Variants in ZMAT4 observed in about 807,000 individuals in gnomAD.
ZMAT4 encodes zinc finger matrin-type 4, also known as zinc finger matrin-type protein 4.
In ZMAT4, 17 loss-of-function variants were observed where a neutral mutation model predicts 28.7. The ratio of observed to expected loss-of-function variants is 0.59; its 90% CI spans 0.41 to 0.89. ZMAT4 has a LOEUF of 0.89. ZMAT4 is among the 40% of genes least tolerant of loss of function. The probability of loss-of-function intolerance (pLI) is 0.00; values close to 1 mark genes in which losing one functional copy is unlikely to be tolerated. For missense variants in ZMAT4, 240 were observed against 283.8 expected, an observed-to-expected ratio of 0.85 and a Z score of 1.11; for synonymous variants, 117 against 109.2, an observed-to-expected ratio of 1.07 and a Z score of -0.44.
intron 1 of ZMAT4, among the ~76,000 whole-genome samples, chr8:40,841,578 TGC>T: frequency 6.6e-6 from 1 of 152,304 alleles, no homozygotes. Context: ...CCCATAGGTG[TGC>T]ACGCCCGACA....
chr8:40,862,584 T>TAAAAAAAAAAAAAAAAAAAAAAAAAA (rs398007582), intron 1 of ZMAT4, among the ~76,000 whole-genome samples: 1 of 109,950 alleles, frequency 9.1e-6, no homozygotes. Flanking sequence ...AAAAAAAAAT[T>TAAAAAAAAAAAAAAAAAAAAAAAAAA]AAAAAAAAAA....
At chr8:40,676,394 C>T (rs951272009) in intron 4 of ZMAT4, among the ~76,000 whole-genome samples, 1 of 152,010 alleles carries the variant, frequency 6.6e-6, no homozygotes, top group African/African-American at 2.4e-5. Flanking sequence ...TCACATGGGC[C>T]ATTAGTCCTA....
chr8:40,670,395 C>G (rs1563400930), intron 5 of ZMAT4, among the ~76,000 whole-genome samples: 1 of 152,104 alleles, frequency 6.6e-6, no homozygotes, highest in Admixed American at 6.5e-5. Flanking sequence ...ATTTCAGATA[C>G]ATCATAATCC....
At chr8:40,834,505 T>G (rs1344291856) in intron 1 of ZMAT4, among the ~76,000 whole-genome samples, 1 of 152,156 alleles carries the variant, frequency 6.6e-6, no homozygotes, top group Non-Finnish European at 1.5e-5. Context: ...CAACATCACT[T>G]GGATTCTCTC....
intron 5 of ZMAT4, among the ~76,000 whole-genome samples, chr8:40,634,549 A>C (rs1404837893): frequency 1.3e-5 from 2 of 152,228 alleles, no homozygotes; most frequent in Admixed American, 1.3e-4. Flanking sequence ...TTTAAATGTA[A>C]GCCAAAGCAA....
intron 2 of ZMAT4, among the ~76,000 whole-genome samples, chr8:40,784,810 G>C (rs1476471162): frequency 1.3e-5 from 2 of 152,078 alleles, no homozygotes; most frequent in African/African-American, 4.8e-5. Context: ...CCTTGCCTAA[G>C]GTCAAATCCA....
chr8:40,806,949 G>T (rs967246476), intron 2 of ZMAT4, among the ~76,000 whole-genome samples: 11 of 151,856 alleles, frequency 7.2e-5, no homozygotes, highest in African/African-American at 2.7e-4. Flanking sequence ...CTCAGAAATA[G>T]CTGCAAGTCA....
intron 2 of ZMAT4, among the ~76,000 whole-genome samples, chr8:40,824,374 G>A (rs68120123): frequency 0.079 from 11,984 of 152,290 alleles, 627 homozygotes; most frequent in Non-Finnish European, 0.12. Context: ...GAGCCCAGGA[G>A]GTGGAGGCTG....
chr8:40,820,689 CTA>C (rs1413051769), intron 2 of ZMAT4, among the ~76,000 whole-genome samples: 1 of 3,034 alleles, frequency 3.3e-4, no homozygotes, highest in Non-Finnish European at 7.3e-4. Context: ...GTGTGTGTGT[CTA>C]TGTATATGTT....
At chr8:40,539,124 G>A (rs931438046) in intron 6 of ZMAT4, among the ~76,000 whole-genome samples, 2 of 152,120 alleles carry the variant, frequency 1.3e-5, no homozygotes, top group African/African-American at 4.8e-5. Context: ...TATTGTTTCA[G>A]TAGCCATGTC....
At chr8:40,605,203 A>G (rs750436613) in intron 5 of ZMAT4, among the ~76,000 whole-genome samples, 58 of 151,624 alleles carry the variant, frequency 3.8e-4, no homozygotes, top group Non-Finnish European at 6.0e-4. Flanking sequence ...GACCTTTGTT[A>G]TTTCTTTTCT....
chr8:40,697,223 C>G, intron 4 of ZMAT4, 22 bp downstream of exon 4: 1 of 1,571,870 alleles, frequency 6.4e-7, no homozygotes, highest in Non-Finnish European at 8.6e-7. Context: ...GGTCTCCCCA[C>G]GATCACTGTT....
chr8:40,834,236 C>A (rs529332230), intron 1 of ZMAT4, among the ~76,000 whole-genome samples: 22 of 152,250 alleles, frequency 1.4e-4, no homozygotes, highest in African/African-American at 4.6e-4. Flanking sequence ...GCAAAGGCAG[C>A]CCCAGCCTGC....
chr8:40,553,164 A>G (rs1198178350), intron 6 of ZMAT4, among the ~76,000 whole-genome samples: 6 of 152,168 alleles, frequency 3.9e-5, no homozygotes, highest in Non-Finnish European at 2.9e-5. Flanking sequence ...GGAAAGAGCC[A>G]TGGAACAGAG....
intron 1 of ZMAT4, among the ~76,000 whole-genome samples, chr8:40,831,655 C>A (rs1334664952): frequency 6.6e-6 from 1 of 152,252 alleles, no homozygotes; most frequent in Non-Finnish European, 1.5e-5. Context: ...TCCACCCATA[C>A]TATCCCTCAC....
At chr8:40,878,282 G>C in intron 1 of ZMAT4, among the ~76,000 whole-genome samples, 1 of 152,182 alleles carries the variant, frequency 6.6e-6, no homozygotes, top group East Asian at 1.9e-4. Context: ...CTCACTTGAA[G>C]TCAGGTGGCT....
intron 3 of ZMAT4, among the ~76,000 whole-genome samples, chr8:40,739,041 A>G (rs1047914121): frequency 3.9e-5 from 6 of 152,212 alleles, no homozygotes; most frequent in Non-Finnish European, 8.8e-5. Flanking sequence ...AATTGCATTC[A>G]GTTGTAAATT....
At chr8:40,869,546 T>C (rs1326429693) in intron 1 of ZMAT4, among the ~76,000 whole-genome samples, 1 of 152,166 alleles carries the variant, frequency 6.6e-6, no homozygotes, top group African/African-American at 2.4e-5. Context: ...AATATCTACA[T>C]CACAAGATTA....
chr8:40,752,879 CT>C (rs965376088), intron 3 of ZMAT4, among the ~76,000 whole-genome samples: 1 of 147,238 alleles, frequency 6.8e-6, no homozygotes, highest in South Asian at 2.3e-4. Context: ...CTGTCTTCTT[CT>C]TTTTTTTTAA....
Sources: allele counts gnomAD v4.1 joint callset (sites outside exome capture counted in the v4.1 genomes callset), GRCh38; gene constraint gnomAD v4.1.1; transcripts MANE v1.5; gene names NCBI Gene and HGNC (gene_info 2026-07-23, HGNC 2026-07-21).